Variants in TIMM17A observed in about 807,000 individuals in gnomAD.
TIMM17A encodes the protein translocase of inner mitochondrial membrane 17A, also known as mitochondrial import inner membrane translocase subunit Tim17-A.
Under a neutral mutation model 26.5 loss-of-function variants are expected in TIMM17A, and 15 were observed. The ratio of observed to expected loss-of-function variants is 0.57; its 90% confidence interval spans 0.38 to 0.87. The LOEUF (loss-of-function observed/expected upper bound fraction) is 0.87. Among genes scored for constraint, TIMM17A ranks in the 40% least tolerant of loss-of-function variants. The pLI is 0.00. For missense variants in TIMM17A, 201 were observed against 210.0 expected (o/e 0.96, Z 0.27); for synonymous variants, 80 against 70.8 (o/e 1.13, Z -0.66).
At chr1:201,963,850 GCACATT>G in intron 4 of TIMM17A, 106 bp downstream of exon 4, 1 of 1,240,542 alleles carries the variant, frequency 8.1e-7, no homozygotes, top group South Asian at 1.9e-5. Flanking sequence ...TATTGACCAG[GCACATT>G]GGCTCATGAC....
chr1:201,956,068 G>A (rs530552780), intron 1 of TIMM17A, among the ~76,000 whole-genome samples: 9 of 152,270 alleles, frequency 5.9e-5, no homozygotes, highest in African/African-American at 2.2e-4. Context: ...CAAGGGGTCT[G>A]GATAAGCTTC....
rs1275211328 is a variant in TIMM17A at position 201,955,523 on chromosome 1, C to G, written c.-4C>G. 1.9e-6 allele frequency: 3 copies of G among 1,614,264 alleles called. No individual in the cohort carries two copies. Among genetic ancestry groups the G allele is most frequent in the Non-Finnish European group, 1.7e-6 (2 of 1,180,044 alleles). ...CCGGCATCACTCGCGGCATTGGAGT[C>G]AAGATGGAGGAGTACGCGCGAGAGC... On this transcript the variant is annotated 5_prime_UTR_variant, in exon 1 of 6. Transcript: ENST00000367287.
intron 3 of TIMM17A, among the ~76,000 whole-genome samples, chr1:201,959,276 A>G (rs576307933): frequency 6.6e-6 from 1 of 152,220 alleles, no homozygotes; most frequent in East Asian, 1.9e-4. Flanking sequence ...GAATCGCTTG[A>G]ACCCAGGAGG....
Position 201,969,501 on chromosome 1 carries a change from C to T in TIMM17A, c.463C>T (p.Pro155Ser). Residue 155 changes from proline (P) to serine (S), a missense_variant, in exon 6 of 6, where the codon CCT (proline) becomes TCT (serine). Pro to Ser is a moderately conservative substitution (Grantham distance 74, BLOSUM62 -1). Coordinates refer to ENST00000367287, the MANE Select transcript of TIMM17A (RefSeq NM_006335.3). ...GTTTGCAGAAGACCCCTCCCAGTTG[C>T]CTTCAACTCAGTTACCTTCCTCACC... Reference protein sequence around the residue: ...PQFAEDPSQLPSTQLPSSPFG... With the variant: ...PQFAEDPSQLSSTQLPSSPFG... 6.2e-7 allele frequency: 1 copy of T among 1,613,934 alleles called. No individual in the cohort carries two copies.
intron 5 of TIMM17A, among the ~76,000 whole-genome samples, chr1:201,966,991 T>TTTTGTGTGTGTGTGTG (rs572223784): frequency 4.4e-4 from 59 of 133,094 alleles, no homozygotes; most frequent in Admixed American, 8.0e-4. Context: ...ATTATATATG[T>TTTTGTGTGTGTGTGTG]TGTGTGTGTG....
rs1373356591 is a variant in TIMM17A at position 201,957,547 on chromosome 1, A to G, written c.163A>G (p.Ile55Val). The G allele has an allele frequency of 1.9e-6, 3 of 1,613,590 alleles. No individual in the cohort carries two copies. In the African/African-American group the frequency reaches 4.0e-5, roughly 22 times the overall value. ...CAGACTACGAGGGAGTTTGACAGCT[A>G]TTAAAACCAGGGCTCCACAGTTAGG... ...NHRLRGSLTA[I>V]KTRAPQLGGS... The change falls in exon 3 of 6, where the codon ATT becomes GTT. Residue 55 changes from isoleucine to valine, a missense_variant. Physicochemically the swap from Ile to Val is conservative, Grantham distance 29. Transcript: ENST00000367287.
chr1:201,967,251 G>C (rs1283668370), intron 5 of TIMM17A, among the ~76,000 whole-genome samples: 1 of 151,912 alleles, frequency 6.6e-6, no homozygotes, highest in African/African-American at 2.4e-5. Context: ...TTAAATGGCA[G>C]TGAGTAATCT....
intron 5 of TIMM17A, among the ~76,000 whole-genome samples, chr1:201,966,986 A>ATTTGT (rs1682642646): frequency 1.8e-5 from 1 of 54,250 alleles, no homozygotes; most frequent in Non-Finnish European, 4.1e-5. Context: ...TGTATATTAT[A>ATTTGT]TATGTTGTGT....
chr1:201,961,491 C>A (rs1245897474), intron 3 of TIMM17A, among the ~76,000 whole-genome samples: 2 of 152,154 alleles, frequency 1.3e-5, no homozygotes, highest in Admixed American at 6.6e-5. Context: ...CATGCCCTAG[C>A]TGTGGGCAGG....
chr1:201,957,233 A>G, intron 1 of TIMM17A, 48 bp from the exon 2 acceptor site: 1 of 1,241,968 alleles, frequency 8.1e-7, no homozygotes, highest in East Asian at 2.3e-5. Flanking sequence ...AGAAGATTTT[A>G]TGGTTTGTGA....
chr1:201,964,939 C>T (rs1421752151), intron 4 of TIMM17A, among the ~76,000 whole-genome samples: 5 of 149,834 alleles, frequency 3.3e-5, no homozygotes, highest in South Asian at 2.1e-4. Context: ...TGAGCCACTG[C>T]GCCCGGCCCT....
chr1:201,967,978 T>A lies in TIMM17A; in HGVS notation c.431-1491T>A, dbSNP rs1485034161. ...TGAAAACTTAATCATATTTTTCCAGTGAACTTACATGAAAAAGTTTGTCTT... is the reference window on the plus strand; with the variant it reads ...TGAAAACTTAATCATATTTTTCCAGAGAACTTACATGAAAAAGTTTGTCTT... On this transcript the variant is annotated intron_variant, in intron 5 of 5. Transcript: ENST00000367287. 5.3e-5 allele frequency among the ~76,000 whole-genome samples: 8 copies of A among 152,208 alleles called. No individual in the cohort carries two copies. The East Asian group carries it at 9.7e-4, about 18-fold the overall frequency.
At chr1:201,961,552 G>A (rs1295240614) in intron 3 of TIMM17A, among the ~76,000 whole-genome samples, 3 of 151,992 alleles carry the variant, frequency 2.0e-5, no homozygotes, top group Non-Finnish European at 4.4e-5. Context: ...GTTCCTTTTA[G>A]TTGAGAATGG....
chr1:201,962,984 T>C (rs1682560756), intron 3 of TIMM17A: 1 of 152,260 alleles, frequency 6.6e-6, no homozygotes, highest in Admixed American at 6.5e-5. Context: ...TTTGATTTTG[T>C]TTATTGCTGC....
intron 4 of TIMM17A, among the ~76,000 whole-genome samples, chr1:201,964,650 T>A (rs905725341): frequency 0.061 from 7,629 of 125,460 alleles, 374 homozygotes; most frequent in Admixed American, 0.12. Context: ...TTTTTTTTTT[T>A]TTTTTTTTTT....
At chr1:201,958,005 C>CGG (rs1226203968) in intron 3 of TIMM17A, 3 of 157,848 alleles carry the variant, frequency 1.9e-5, no homozygotes, top group Admixed American at 6.4e-5. Flanking sequence ...GGCGTGGTGG[C>CGG]GCATGCCTGT....
chr1:201,965,639 G>A lies in TIMM17A; in HGVS notation c.430+96G>A. On this transcript the variant is annotated intron_variant, in intron 5 of 5. Transcript: ENST00000367287. ...CTTTGTGTGATAAAATGTGTGGTAT[G>A]TATTAATATGCTGTGGTTCATGAGG... The A allele has an allele frequency of 2.9e-5, 24 of 828,966 alleles. 2 individuals carry two copies. The South Asian group carries it at 3.5e-4, about 12-fold the overall frequency. 51.4% of individuals were successfully genotyped at this position (828,966 alleles called of 1,614,324 possible). A position where few individuals can be genotyped will look rare whatever the true frequency, so the allele number is the denominator to read the frequency against.
chr1:201,959,019 A>G (rs1047699507), intron 3 of TIMM17A, among the ~76,000 whole-genome samples: 2 of 152,228 alleles, frequency 1.3e-5, no homozygotes, highest in African/African-American at 4.8e-5. Context: ...GTGTTATTCA[A>G]GAATGATGAG....
At position 201,961,946 on chromosome 1, in the gene TIMM17A, C is replaced by A. The variant is rs146605731; in HGVS notation, c.191-1670C>A. On this transcript the variant is annotated intron_variant, in intron 3 of 5. Transcript: ENST00000367287. ...GCCTTCCTTGAGAATCTCTCTCTTG[C>A]TTAGGCTCTAAAACCTTGTTCTCGG... 5.7e-3 allele frequency among the ~76,000 whole-genome samples: 871 copies of A among 152,040 alleles called. 4 individuals carry two copies. Among genetic ancestry groups the A allele is most frequent in the African/African-American group, 0.02 (823 of 41,466 alleles).
Sources: gnomAD v4.1 joint callset for allele counts (sites outside exome capture counted in the v4.1 genomes callset) on GRCh38, gnomAD v4.1.1 for gene constraint, MANE v1.5 for transcripts, NCBI Gene and HGNC (gene_info 2026-07-23, HGNC 2026-07-21) for gene names.